HIVEP3: variants seen among roughly 807,000 people sequenced by gnomAD.
The protein encoded by HIVEP3 is HIVEP zinc finger 3, also known as transcription factor HIVEP3.
Under a neutral mutation model 152.8 loss-of-function variants are expected in HIVEP3, and 49 were observed. The ratio of observed to expected loss-of-function variants is 0.32; its 90% CI spans 0.26 to 0.41. HIVEP3 has a LOEUF of 0.41. Ranked by LOEUF, HIVEP3 falls within the 10% of genes least tolerant of loss-of-function variation. HIVEP3 has a pLI of 1.00. For missense variants in HIVEP3, 2,790 were observed against 3,103.3 expected (o/e 0.90, Z 2.40); for synonymous variants, 1,269 against 1,289.0 (o/e 0.98, Z 0.33).
intron 2 of HIVEP3, among the ~76,000 whole-genome samples, chr1:41,640,961 T>C (rs1645363300): frequency 6.6e-6 from 1 of 152,156 alleles, no homozygotes; most frequent in Non-Finnish European, 1.5e-5. Context: ...CACCTGTGAG[T>C]CTGTTTCCTC....
intron 1 of HIVEP3, among the ~76,000 whole-genome samples, chr1:41,759,874 A>C (rs1647554057): frequency 6.6e-6 from 1 of 152,258 alleles, no homozygotes; most frequent in Admixed American, 6.5e-5. Flanking sequence ...ATTGAATCAG[A>C]TAATAAGTGA....
intron 1 of HIVEP3, 118 bp from the exon 2 acceptor site, chr1:41,701,113 C>T (rs764608641): frequency 4.6e-6 from 1 of 218,010 alleles, no homozygotes; most frequent in Non-Finnish European, 7.8e-6. Flanking sequence ...AAAGCCCCGG[C>T]CACTACCCCT....
rs1207186311 is a variant in HIVEP3, at chr1:41,893,772, ATATAT to A, written c.-801+24636_-801+24640del. On this transcript the variant is annotated intron_variant, in intron 1 of 8. Transcript: ENST00000372583. Reference sequence around the variant, plus strand: ...TTTATATTCATATATACATATTTTTATATATTATATATTTATATATTAAATATGCA... The same window carrying A: ...TTTATATTCATATATACATATTTTTATATATATTTATATATTAAATATGCA... Among the ~76,000 whole-genome samples the A allele has an allele frequency of 1.0e-4, 15 of 147,320 alleles. No homozygotes were observed. The South Asian group carries it at 2.5e-3, about 25-fold the overall frequency.
chr1:41,539,197 G>A (rs1355585717), intron 5 of HIVEP3, among the ~76,000 whole-genome samples: 1 of 151,762 alleles, frequency 6.6e-6, no homozygotes, highest in Non-Finnish European at 1.5e-5. Flanking sequence ...CCTCCCACAG[G>A]TGCATATTCC....
At chr1:41,811,574 G>T (rs1206810186) in intron 1 of HIVEP3, among the ~76,000 whole-genome samples, 1 of 151,906 alleles carries the variant, frequency 6.6e-6, no homozygotes, top group East Asian at 1.9e-4. Flanking sequence ...AGACAGAGAG[G>T]TTATGTGACT....
chr1:41,564,086 G>A (rs559745403), intron 5 of HIVEP3, among the ~76,000 whole-genome samples: 15 of 152,146 alleles, frequency 9.9e-5, no homozygotes, highest in Admixed American at 8.5e-4. Context: ...CCAGCTACTC[G>A]GGAGGCTGAG....
chr1:41,708,216 C>T (rs72957331), intron 1 of HIVEP3, among the ~76,000 whole-genome samples: 3,953 of 152,274 alleles, frequency 0.026, 182 homozygotes, highest in African/African-American at 0.091. Flanking sequence ...CAGCCCCATG[C>T]AGTTGAGATT....
At chr1:41,806,327 G>T (rs1650606755) in intron 1 of HIVEP3, among the ~76,000 whole-genome samples, 1 of 152,176 alleles carries the variant, frequency 6.6e-6, no homozygotes, top group Admixed American at 6.5e-5. Flanking sequence ...CGTGGGCATG[G>T]TAGGGGAATA....
chr1:41,793,688 A>T (rs1222147839), intron 1 of HIVEP3, among the ~76,000 whole-genome samples: 2 of 152,250 alleles, frequency 1.3e-5, no homozygotes, highest in East Asian at 3.8e-4. Flanking sequence ...CAAAGTAGAA[A>T]GATTTCTGTC....
chr1:41,985,273 AT>A (rs1400752981), intron 1 of HIVEP3, among the ~76,000 whole-genome samples: 2 of 152,144 alleles, frequency 1.3e-5, no homozygotes, highest in Non-Finnish European at 2.9e-5. Flanking sequence ...GACATGTAGA[AT>A]TTTCCAGGCC....
At chr1:41,791,695 T>C (rs1409354123) in intron 1 of HIVEP3, among the ~76,000 whole-genome samples, 1 of 152,204 alleles carries the variant, frequency 6.6e-6, no homozygotes, top group African/African-American at 2.4e-5. Flanking sequence ...TAAACTCTTA[T>C]GTGTTTAAGC....
chr1:41,572,063 G>A (rs188636625), intron 5 of HIVEP3, among the ~76,000 whole-genome samples: 117 of 152,336 alleles, frequency 7.7e-4, no homozygotes, highest in Non-Finnish European at 2.2e-4. Flanking sequence ...GGTTCTGAGT[G>A]TGAAGGGCTG....
chr1:41,556,790 TC>T (rs1178046057), intron 5 of HIVEP3, among the ~76,000 whole-genome samples: 1 of 152,248 alleles, frequency 6.6e-6, no homozygotes, highest in African/African-American at 2.4e-5. Flanking sequence ...AGGTCTTTGA[TC>T]CATTTTGAGT....
chr1:41,779,574 C>T (rs2124279663), intron 1 of HIVEP3, among the ~76,000 whole-genome samples: 1 of 152,358 alleles, frequency 6.6e-6, no homozygotes, highest in East Asian at 1.9e-4. Flanking sequence ...TTGCTCATTG[C>T]AACCTCCACC....
At chr1:41,983,197 G>C (rs1645303585) in intron 1 of HIVEP3, among the ~76,000 whole-genome samples, 1 of 152,208 alleles carries the variant, frequency 6.6e-6, no homozygotes, top group Admixed American at 6.5e-5. Flanking sequence ...CAGACCAATA[G>C]CAGACCCCTG....
chr1:41,652,678 G>T (rs559587007), intron 2 of HIVEP3, among the ~76,000 whole-genome samples: 1 of 152,176 alleles, frequency 6.6e-6, no homozygotes, highest in Non-Finnish European at 1.5e-5. Context: ...CCACCTCACC[G>T]GCCATTTCCA....
chr1:41,891,199 G>T (rs2124441081), intron 1 of HIVEP3, among the ~76,000 whole-genome samples: 1 of 152,136 alleles, frequency 6.6e-6, no homozygotes, highest in Middle Eastern at 3.4e-3. Flanking sequence ...TTTCACCCTG[G>T]ACTAACAGGG....
intron 2 of HIVEP3, among the ~76,000 whole-genome samples, chr1:41,686,194 C>G (rs1472653749): frequency 6.6e-6 from 1 of 152,128 alleles, no homozygotes; most frequent in African/African-American, 2.4e-5. Flanking sequence ...GCCTCAGTCT[C>G]CCGAGTAGCT....
intron 1 of HIVEP3, among the ~76,000 whole-genome samples, chr1:41,757,283 T>A (rs1014790413): frequency 6.6e-5 from 10 of 151,408 alleles, no homozygotes; most frequent in African/African-American, 1.5e-4. Flanking sequence ...GCCCGGCTAA[T>A]TTTTTTTGTA....
Sources: allele counts gnomAD v4.1 joint callset (sites outside exome capture counted in the v4.1 genomes callset), GRCh38; gene constraint gnomAD v4.1.1; transcripts MANE v1.5; gene names NCBI Gene and HGNC (gene_info 2026-07-23, HGNC 2026-07-21).